ARHGEF10L: variants seen among roughly 807,000 people sequenced by gnomAD.
ARHGEF10L encodes the protein rho guanine nucleotide exchange factor 10-like protein.
In ARHGEF10L, 69 loss-of-function variants were observed where a neutral mutation model predicts 141.2. The observed-to-expected ratio is 0.49, with a 90% confidence interval of 0.40 to 0.60. The LOEUF (loss-of-function observed/expected upper bound fraction) is 0.60, where lower values mean the gene tolerates loss of function less well. Among genes scored for constraint, ARHGEF10L ranks in the 20% least tolerant of loss-of-function variants. The pLI, the probability that ARHGEF10L is intolerant of heterozygous loss-of-function variation, is 0.00. For synonymous variants in ARHGEF10L, 711 were observed against 718.5 expected (o/e 0.99, Z 0.17); for missense variants, 1,482 against 1,734.3 (o/e 0.85, Z 2.58).
intron 5 of ARHGEF10L, among the ~76,000 whole-genome samples, chr1:17,602,550 T>G (rs2080792474): frequency 6.6e-6 from 1 of 152,102 alleles, no homozygotes; most frequent in Non-Finnish European, 1.5e-5. Context: ...CCTGCCCAGA[T>G]GAGCCCTCCA....
chr1:17,580,728 G>A (rs147231890), intron 2 of ARHGEF10L, 96 bp downstream of exon 2: 12 of 1,475,336 alleles, frequency 8.1e-6, no homozygotes, highest in South Asian at 5.8e-5. Context: ...GCATGGCGCC[G>A]GGTGGGAAGT....
Position 17,621,685 on chromosome 1 carries a change from C to A in ARHGEF10L, c.943-179C>A, listed in dbSNP as rs1328713353. Among the ~76,000 whole-genome samples, 1 of 152,156 alleles carries A rather than the reference C, an allele frequency of 6.6e-6. No individual in the cohort carries two copies. Among genetic ancestry groups the A allele is most frequent in the Non-Finnish European group, 1.5e-5 (1 of 68,034 alleles). Reference sequence around the variant, plus strand: ...TCCATTCTGTAGCCAGGCAGCAGGGCATTTATTTAGGGTTGGCAGGGGCTC... The same window carrying A: ...TCCATTCTGTAGCCAGGCAGCAGGGAATTTATTTAGGGTTGGCAGGGGCTC... On this transcript the variant is annotated intron_variant, in intron 10 of 28. Coordinates refer to ENST00000361221, the MANE Select transcript of ARHGEF10L (RefSeq NM_018125.4). The surrounding 1 kb of genome is among the most constrained non-coding windows in gnomAD (Gnocchi z 4.1).
intron 22 of ARHGEF10L, 56 bp downstream of exon 22, chr1:17,648,731 G>T: frequency 6.3e-7 from 1 of 1,589,110 alleles, no homozygotes; most frequent in Non-Finnish European, 8.6e-7. Context: ...GCTCCCCCTC[G>T]CCTGGGAGAA....
chr1:17,609,859 C>T (rs564112215), intron 7 of ARHGEF10L, among the ~76,000 whole-genome samples: 94 of 152,300 alleles, frequency 6.2e-4, no homozygotes, highest in African/African-American at 2.2e-3. Flanking sequence ...GGGCAGCATG[C>T]ACTGCTTTAG....
chr1:17,615,855 C>T lies in ARHGEF10L; in HGVS notation c.727-239C>T. 1 of 473,888 alleles carries T rather than the reference C, an allele frequency of 2.1e-6. No individual in the cohort carries two copies. Among genetic ancestry groups the T allele is most frequent in the Admixed American group, 3.3e-5 (1 of 29,980 alleles). 29.4% of individuals were successfully genotyped at this position (473,888 alleles called of 1,614,324 possible). ...TGGATTAGAAATCTGCTCACATAGT[C>T]TGTCCTGAAAGGAAAAAAATCGGTT... On this transcript the variant is annotated intron_variant, in intron 8 of 28. Coordinates refer to ENST00000361221, the MANE Select transcript of ARHGEF10L (RefSeq NM_018125.4). This position sits in a 1 kb window ranked among gnomAD's most constrained non-coding sequence, Gnocchi z 4.7.
chr1:17,580,705 T>C lies in ARHGEF10L; in HGVS notation c.37+73T>C. The C allele has an allele frequency of 7.6e-6, 12 of 1,583,286 alleles. No individual in the cohort carries two copies. The South Asian group carries it at 1.3e-4, about 18-fold the overall frequency. On this transcript the variant is annotated intron_variant, in intron 2 of 28. Transcript: ENST00000361221. Reference sequence around the variant, plus strand: ...GGCCGCTGGGGGCCGGCGGAGGGCCTTGCTCTGGAGCAGCATGGCGCCGGG... The same window carrying C: ...GGCCGCTGGGGGCCGGCGGAGGGCCCTGCTCTGGAGCAGCATGGCGCCGGG...
At chr1:17,534,225 C>T in the ARHGEF10L span, among the ~76,000 whole-genome samples, 245 of 151,658 alleles carry the variant, frequency 1.6e-3, no homozygotes, top group Non-Finnish European at 2.8e-3. Context: ...TGGGTTCACG[C>T]CATTCTCCTG....
In ARHGEF10L at chr1:17,686,078, T is replaced by TTTC. The variant is rs1558033249; in HGVS notation, c.3010-1493_3010-1492insCTT. 1.8e-3 allele frequency among the ~76,000 whole-genome samples: 256 copies of TTTC among 140,594 alleles called. 5 individuals are homozygous for TTTC. In the East Asian group the frequency reaches 0.046, roughly 25 times the overall value. 92.2% of individuals were successfully genotyped at this position (140,594 alleles called of 152,430 possible). On this transcript the variant is annotated intron_variant, in intron 26 of 28. Coordinates refer to ENST00000361221, the MANE Select transcript of ARHGEF10L (RefSeq NM_018125.4). ...TGGTGTGTTTGTTTTGTTTTGTTTT[T>TTTC]TTTCTTTCTTTCTTTCTTTCTTTCT...
Position 17,640,195 on chromosome 1 carries a change from A to G in ARHGEF10L, c.2172-7A>G, listed in dbSNP as rs768561208. On this transcript the variant is annotated splice_polypyrimidine_tract_variant and splice_region_variant and intron_variant, in intron 20 of 28. Coordinates refer to ENST00000361221, the MANE Select transcript of ARHGEF10L (RefSeq NM_018125.4). ...TCACACATCCACTCTAACCCTTCTCACCACAGGTCCGGCCGCCCCATTAGC... is the reference window on the plus strand; with the variant it reads ...TCACACATCCACTCTAACCCTTCTCGCCACAGGTCCGGCCGCCCCATTAGC... 38 of 1,608,302 alleles carry G rather than the reference A, an allele frequency of 2.4e-5. No homozygotes were observed. In the South Asian group the frequency reaches 4.1e-4, roughly 17 times the overall value.
At chr1:17,560,202 G>T (rs2077491008) in intron 1 of ARHGEF10L, among the ~76,000 whole-genome samples, 1 of 152,128 alleles carries the variant, frequency 6.6e-6, no homozygotes, top group Admixed American at 6.5e-5. Flanking sequence ...GGCAGGGGCT[G>T]CTGTATCTAT....
At chr1:17,669,499 T>G (rs1251334391) in intron 26 of ARHGEF10L, among the ~76,000 whole-genome samples, 2 of 152,222 alleles carry the variant, frequency 1.3e-5, no homozygotes, top group Non-Finnish European at 1.5e-5. Context: ...TTAAGTAACT[T>G]GCCCAAGGTC....
chr1:17,515,316 CAG>C, the ARHGEF10L span, among the ~76,000 whole-genome samples: 2 of 144,108 alleles, frequency 1.4e-5, no homozygotes, highest in African/African-American at 5.2e-5. Context: ...TTGTTTGAGA[CAG>C]AGTCTCACTG....
chr1:17,641,867 G>A (rs1289470530), intron 21 of ARHGEF10L, among the ~76,000 whole-genome samples: 1 of 151,880 alleles, frequency 6.6e-6, no homozygotes, highest in East Asian at 1.9e-4. Context: ...TGTAGTCCCA[G>A]CTACTCGAGA....
rs758932363 is a variant in ARHGEF10L, at chr1:17,615,740, C to T, written c.727-354C>T. The T allele has an allele frequency of 1.3e-4, 25 of 196,318 alleles. No homozygotes were observed. The highest frequency in any genetic ancestry group is 3.0e-4 in the African/African-American group (13 of 43,716). The allele number at this position is 196,318 out of a possible 1,614,324, so 12.2% of individuals were successfully genotyped here. On this transcript the variant is annotated intron_variant, in intron 8 of 28. Transcript: ENST00000361221. The surrounding 1 kb of genome is among the most constrained non-coding windows in gnomAD (Gnocchi z 4.7). Reference sequence around the variant, plus strand: ...ATGGAGGCTCAGTGACGTTCAGTGACGTGCCCAGAGTCATGCCATTGGCGG... The same window carrying T: ...ATGGAGGCTCAGTGACGTTCAGTGATGTGCCCAGAGTCATGCCATTGGCGG...
intron 26 of ARHGEF10L, among the ~76,000 whole-genome samples, chr1:17,684,621 C>A (rs2064410538): frequency 6.6e-6 from 1 of 152,184 alleles, no homozygotes; most frequent in African/African-American, 2.4e-5. Flanking sequence ...TCTGAGCATG[C>A]CCAGCTTGAT....
At chr1:17,598,519 C>T (rs2080329114) in intron 4 of ARHGEF10L, among the ~76,000 whole-genome samples, 3 of 152,142 alleles carry the variant, frequency 2.0e-5, no homozygotes, top group South Asian at 2.1e-4. Flanking sequence ...CTCACTGTGT[C>T]CTTACATGGT....
intron 1 of ARHGEF10L, among the ~76,000 whole-genome samples, chr1:17,557,613 C>T (rs1246359935): frequency 6.6e-6 from 1 of 152,168 alleles, no homozygotes; most frequent in Non-Finnish European, 1.5e-5. Flanking sequence ...ACCGCGGAAT[C>T]CCCATGTTTG....
At chr1:17,572,657 G>A (rs72648416) in intron 1 of ARHGEF10L, among the ~76,000 whole-genome samples, 2,292 of 152,294 alleles carry the variant, frequency 0.015, 30 homozygotes, top group Non-Finnish European at 0.022. Flanking sequence ...GTATGTACCC[G>A]CTGGCCTCCT....
chr1:17,638,201 G>A (rs1354765522), intron 19 of ARHGEF10L, among the ~76,000 whole-genome samples, 198 bp downstream of exon 19: 4 of 152,244 alleles, frequency 2.6e-5, no homozygotes, highest in Non-Finnish European at 4.4e-5. Flanking sequence ...CCGCTGGTTC[G>A]GGCGCATCCT....
Sources: gnomAD v4.1 joint callset for allele counts (sites outside exome capture counted in the v4.1 genomes callset) on GRCh38, gnomAD v4.1.1 for gene constraint, Gnocchi (gnomAD v3.1) non-coding constraint, MANE v1.5 for transcripts, NCBI Gene and HGNC (gene_info 2026-07-23, HGNC 2026-07-21) for gene names.